Variants in MINDY2 observed in about 807,000 individuals in gnomAD.
MINDY2 encodes the protein ubiquitin carboxyl-terminal hydrolase MINDY-2.
In MINDY2, 52 loss-of-function variants were observed where a neutral mutation model predicts 68.2. The observed-to-expected ratio is 0.76, with a 90% CI of 0.61 to 0.96. The LOEUF (loss-of-function observed/expected upper bound fraction) is 0.96. Ranked by LOEUF, MINDY2 falls within the 40% of genes least tolerant of loss-of-function variation. MINDY2 has a pLI of 0.00. For missense variants in MINDY2, 881 were observed against 773.4 expected, an observed-to-expected ratio of 1.14 and a Z score of -1.65; for synonymous variants, 372 against 303.0, an observed-to-expected ratio of 1.23 and a Z score of -2.36.
chr15:58,854,538 A>C lies in MINDY2; in HGVS notation c.1794A>C (p.Glu598Asp). 14 of 1,614,000 alleles carry C rather than the reference A, an allele frequency of 8.7e-6. No homozygotes were observed. Among genetic ancestry groups the C allele is most frequent in the Non-Finnish European group, 1.2e-5 (14 of 1,179,964 alleles). The change falls in exon 9 of 9, where the codon GAA (glutamate) becomes GAC (aspartate). Residue 598 changes from glutamate to aspartate, a missense_variant. Transcript: ENST00000559228. ...PSSGRQSGNS[E>D]RKRKEPREKD... ...GTGGAAGACAATCTGGGAATAGTGA[A>C]CGTAAACGGAAGGAACCACGAGAAA...
chr15:58,771,437 G>T lies in MINDY2; in HGVS notation c.42G>T (p.Gly14=), dbSNP rs1312417698. ...SPESLQPLEH[G]VAAGPASGTG... Reference sequence around the variant, plus strand: ...AGAGCCTGCAGCCGCTAGAACACGGGGTGGCGGCCGGGCCAGCGTCAGGGA... The same window carrying T: ...AGAGCCTGCAGCCGCTAGAACACGGTGTGGCGGCCGGGCCAGCGTCAGGGA... Residue 14 remains glycine, a synonymous_variant, in exon 1 of 9, where the codon GGG becomes GGT. Transcript: ENST00000559228. 14 of 1,612,136 alleles carry T rather than the reference G, an allele frequency of 8.7e-6. No homozygotes were observed. Among genetic ancestry groups the T allele is most frequent in the Non-Finnish European group, 1.2e-5 (14 of 1,179,732 alleles).
At position 58,857,194 on chromosome 15, in the gene MINDY2, T is replaced by C. The variant is rs1362679965; in HGVS notation, c.*2584T>C. On this transcript the variant is annotated 3_prime_UTR_variant, in exon 9 of 9. Coordinates refer to ENST00000559228, the MANE Select transcript of MINDY2 (RefSeq NM_001040450.3). The stretch of plus-strand genomic sequence containing the variant: ...TTACTGTGGGGGGAAAGATGAAATG[T>C]TCAATTGTATTAAAACAAACAAGCT... 2 of 152,168 alleles carry C rather than the reference T, an allele frequency of 1.3e-5. No individual in the cohort carries two copies. Among genetic ancestry groups the C allele is most frequent in the African/African-American group, 4.8e-5 (2 of 41,442 alleles). 9.4% of individuals were successfully genotyped at this position (152,168 alleles called of 1,614,324 possible).
chr15:58,825,476 A>G (rs901271931), intron 5 of MINDY2, among the ~76,000 whole-genome samples: 2 of 152,190 alleles, frequency 1.3e-5, no homozygotes, highest in Non-Finnish European at 2.9e-5. Flanking sequence ...CATGGCAGCA[A>G]AAATCAGCAA....
intron 1 of MINDY2, among the ~76,000 whole-genome samples, chr15:58,779,623 T>G (rs1204468483): frequency 1.3e-5 from 2 of 152,234 alleles, no homozygotes; most frequent in East Asian, 3.8e-4. Context: ...TTTTTAAATA[T>G]AGATCCTGTA....
chr15:58,813,775 G>A (rs114788354), intron 4 of MINDY2, among the ~76,000 whole-genome samples: 1 of 151,044 alleles, frequency 6.6e-6, no homozygotes, highest in African/African-American at 2.4e-5. Context: ...GCGACAAACT[G>A]TTTACTAGAT....
At chr15:58,844,022 T>C (rs539112635) in intron 6 of MINDY2, among the ~76,000 whole-genome samples, 21 of 152,188 alleles carry the variant, frequency 1.4e-4, no homozygotes, top group African/African-American at 5.1e-4. Context: ...ATATTATTAT[T>C]TATGAAATTT....
At chr15:58,778,387 C>T (rs1412132846) in intron 1 of MINDY2, among the ~76,000 whole-genome samples, 1 of 151,830 alleles carries the variant, frequency 6.6e-6, no homozygotes, top group East Asian at 1.9e-4. Context: ...ATCTCCTGTT[C>T]CAAGTCATGG....
intron 2 of MINDY2, among the ~76,000 whole-genome samples, chr15:58,789,279 A>G (rs1901724944): frequency 1.3e-5 from 2 of 152,200 alleles, no homozygotes; most frequent in East Asian, 3.9e-4. Flanking sequence ...CATAGCTTGC[A>G]GTGAGCCGAG....
At chr15:58,822,411 T>C (rs1374111433) in intron 5 of MINDY2, among the ~76,000 whole-genome samples, 5 of 152,170 alleles carry the variant, frequency 3.3e-5, no homozygotes, top group Non-Finnish European at 7.4e-5. Context: ...ACCCAGAGGT[T>C]ACTGATAATT....
intron 6 of MINDY2, among the ~76,000 whole-genome samples, chr15:58,834,566 T>TGAA (rs1335301516): frequency 3.3e-5 from 5 of 152,176 alleles, no homozygotes; most frequent in Non-Finnish European, 7.4e-5. Context: ...TTGAGTGCTT[T>TGAA]TCAGGTTATT....
intron 4 of MINDY2, among the ~76,000 whole-genome samples, chr15:58,813,491 A>G (rs1229609597): frequency 6.6e-6 from 1 of 152,194 alleles, no homozygotes; most frequent in African/African-American, 2.4e-5. Context: ...GCAAGACTCT[A>G]TCTCAAACTG....
In MINDY2 at chr15:58,854,604, T is replaced by C; in HGVS notation, c.1860T>C (p.Ile620=). Residue 620 remains isoleucine, a synonymous_variant, in exon 9 of 9, where the codon ATT becomes ATC. Coordinates refer to ENST00000559228, the MANE Select transcript of MINDY2 (RefSeq NM_001040450.3). ...EKEKEKNSCV[I]L is the part of the protein sequence containing the mutation. Reference sequence around the variant, plus strand: ...AAAAGGAAAAAAATAGCTGTGTTATTTTGTAACAAGTGTTGGCTTCTGTTG... The same window carrying C: ...AAAAGGAAAAAAATAGCTGTGTTATCTTGTAACAAGTGTTGGCTTCTGTTG... 1 of 1,607,430 alleles carries C rather than the reference T, an allele frequency of 6.2e-7. No homozygotes were observed.
chr15:58,825,869 G>C (rs1000167084), intron 5 of MINDY2, among the ~76,000 whole-genome samples: 2 of 152,076 alleles, frequency 1.3e-5, no homozygotes, highest in Admixed American at 6.6e-5. Flanking sequence ...GCCTCCCAAA[G>C]TGCTGGGATT....
chr15:58,820,564 G>A (rs759709197), intron 4 of MINDY2, among the ~76,000 whole-genome samples: 9 of 152,090 alleles, frequency 5.9e-5, no homozygotes, highest in Non-Finnish European at 1.2e-4. Context: ...AGTTGTATGA[G>A]TTAAGAGGCT....
chr15:58,771,572 C>G lies in MINDY2; in HGVS notation c.177C>G (p.Ala59=), dbSNP rs557921964. 6 of 1,611,402 alleles carry G rather than the reference C, an allele frequency of 3.7e-6. No homozygotes were observed. In the African/African-American group the frequency reaches 8.0e-5, roughly 21 times the overall value. The change falls in exon 1 of 9, where the codon GCC becomes GCG. Residue 59 remains alanine, a synonymous_variant. Transcript: ENST00000559228. ...SGGNGLGAAA[A]RRSLPDSASP... ...GGAATGGGCTGGGGGCGGCGGCCGC[C>G]AGGAGGAGCCTCCCGGACTCGGCTT...
chr15:58,825,729 C>T (rs1206131232), intron 5 of MINDY2, among the ~76,000 whole-genome samples: 3 of 152,130 alleles, frequency 2.0e-5, no homozygotes, highest in African/African-American at 7.2e-5. Flanking sequence ...CCTTAGCCTC[C>T]CAGGTAGCTG....
Position 58,847,411 on chromosome 15 carries a change from C to G in MINDY2, c.1483C>G (p.Leu495Val). Residue 495 changes from leucine (L) to valine (V), a missense_variant, in exon 7 of 9, where the codon CTT becomes GTT. Physicochemically the swap from Leu to Val is conservative, Grantham distance 32. Transcript: ENST00000559228. ...AAATTTCTGTGACTCAGAATTTCAT[C>G]TTCGACCTCCTTCAGATCCTGAAAC... Reference protein sequence around the residue: ...DGNFCDSEFHLRPPSDPETVY... With the variant: ...DGNFCDSEFHVRPPSDPETVY... 2 of 1,606,522 alleles carry G rather than the reference C, an allele frequency of 1.2e-6. No homozygotes were observed. The highest frequency in any genetic ancestry group is 8.5e-7 in the Non-Finnish European group (1 of 1,174,470).
In MINDY2 at chr15:58,861,139, G is replaced by T. The variant is rs532450160; in HGVS notation, c.*6529G>T. The T allele has an allele frequency of 6.6e-6, 1 of 152,276 alleles. No individual in the cohort carries two copies. The highest frequency in any genetic ancestry group is 2.1e-4 in the South Asian group (1 of 4,830). 9.4% of individuals were successfully genotyped at this position (152,276 alleles called of 1,614,324 possible). ...TTTCCTTGAATTGTGCAGAATAATTGGATTGAGGCACATATTTTGAGGAGT... is the reference window on the plus strand; with the variant it reads ...TTTCCTTGAATTGTGCAGAATAATTTGATTGAGGCACATATTTTGAGGAGT... On this transcript the variant is annotated 3_prime_UTR_variant, in exon 9 of 9. Transcript: ENST00000559228.
rs548802188 is a variant in MINDY2, at chr15:58,852,110, A to C, written c.1737+145A>C. 29 of 529,494 alleles carry C rather than the reference A, an allele frequency of 5.5e-5. No individual in the cohort carries two copies. The South Asian group carries it at 7.6e-4, about 14-fold the overall frequency. 32.8% of individuals were successfully genotyped at this position (529,494 alleles called of 1,614,324 possible). A position where few individuals can be genotyped will look rare whatever the true frequency, so the allele number is the denominator to read the frequency against. On this transcript the variant is annotated intron_variant, in intron 8 of 8. Transcript: ENST00000559228. The stretch of plus-strand genomic sequence containing the variant: ...GAGACCAGCCTGGCCAACATGGCAA[A>C]ACCCTATCTCTATTAAAAATACAAA...
Sources: gnomAD v4.1 joint callset for allele counts (sites outside exome capture counted in the v4.1 genomes callset) on GRCh38, gnomAD v4.1.1 for gene constraint, MANE v1.5 for transcripts, NCBI Gene and HGNC (gene_info 2026-07-23, HGNC 2026-07-21) for gene names.